The following VCPIP1 variants were observed in gnomAD, a reference collection of about 807,000 sequenced individuals.
VCPIP1 encodes the protein deubiquitinating protein VCPIP1.
A neutral mutation model predicts 85.0 loss-of-function variants in VCPIP1; 8 were observed. The observed-to-expected ratio is 0.09, with a 90% confidence interval of 0.06 to 0.17. The LOEUF is 0.17. Ranked by LOEUF, VCPIP1 falls within the 10% of genes least tolerant of loss-of-function variation. The pLI, the probability that VCPIP1 is intolerant of heterozygous loss-of-function variation, is 1.00. For synonymous variants in VCPIP1, 543 were observed against 544.5 expected, an observed-to-expected ratio of 1.00 and a Z score of 0.04; for missense variants, 1,070 against 1,486.3, an observed-to-expected ratio of 0.72 and a Z score of 4.61.
intron 2 of VCPIP1, among the ~76,000 whole-genome samples, chr8:66,646,742 G>A (rs1810999216): frequency 1.3e-5 from 2 of 151,986 alleles, no homozygotes; most frequent in South Asian, 2.1e-4. Flanking sequence ...AGGTTGCAGT[G>A]ACCCAAGATC....
In VCPIP1 at chr8:66,632,038, A is replaced by G. The variant is rs1321194257; in HGVS notation, c.*2463T>C. 6.6e-6 allele frequency: 1 copy of G among 151,060 alleles called. No homozygotes were observed. Among genetic ancestry groups the G allele is most frequent in the East Asian group, 1.9e-4 (1 of 5,166 alleles). The allele number at this position is 151,060 out of a possible 1,614,324, so 9.4% of individuals were successfully genotyped here. On this transcript the variant is annotated 3_prime_UTR_variant, in exon 3 of 3. Coordinates refer to ENST00000310421, the MANE Select transcript of VCPIP1 (RefSeq NM_025054.5). ...ACTGCAAACAGAATTGCAGGAATGC[A>G]TTTTAGTTATAATGTTACCTCTAGG...
chr8:66,651,049 G>A (rs1359737248), intron 2 of VCPIP1, among the ~76,000 whole-genome samples: 2 of 151,084 alleles, frequency 1.3e-5, no homozygotes, highest in Non-Finnish European at 2.9e-5. Context: ...GCCGGGCATG[G>A]TAGCACATGC....
chr8:66,664,315 A>G lies in VCPIP1; in HGVS notation c.2644T>C (p.Ser882Pro), dbSNP rs1272533467. 1 of 1,608,894 alleles carries G rather than the reference A, an allele frequency of 6.2e-7. No homozygotes were observed. Among genetic ancestry groups the G allele is most frequent in the Admixed American group, 1.7e-5 (1 of 59,614 alleles). Reference sequence around the variant, plus strand: ...TCAGCTTGCTCCTGAAGTTCCTTAGATGACAGTTTACCAGTAACAGCAATA... The same window carrying G: ...TCAGCTTGCTCCTGAAGTTCCTTAGGTGACAGTTTACCAGTAACAGCAATA... Reference protein sequence around the residue: ...EDIAVTGKLSSKELQEQAEKE... With the variant: ...EDIAVTGKLSPKELQEQAEKE... Residue 882 changes from serine to proline, a missense_variant, in exon 1 of 3, where the codon TCT (serine) becomes CCT (proline). Coordinates refer to ENST00000310421, the MANE Select transcript of VCPIP1 (RefSeq NM_025054.5).
At chr8:66,659,037 T>C (rs1163242461) in intron 1 of VCPIP1, among the ~76,000 whole-genome samples, 2 of 152,062 alleles carry the variant, frequency 1.3e-5, no homozygotes, top group Admixed American at 1.3e-4. Flanking sequence ...TTCACCTAAA[T>C]CTGTCCTTAC....
chr8:66,659,634 T>C (rs1333124800), intron 1 of VCPIP1, among the ~76,000 whole-genome samples: 2 of 152,136 alleles, frequency 1.3e-5, no homozygotes, highest in Admixed American at 1.3e-4. Context: ...GTCAGCCCAT[T>C]TAGTGAAAAC....
intron 2 of VCPIP1, among the ~76,000 whole-genome samples, chr8:66,647,208 G>C (rs1246029257): frequency 6.6e-6 from 1 of 151,806 alleles, no homozygotes; most frequent in Non-Finnish European, 1.5e-5. Flanking sequence ...AGGCGCGGTG[G>C]CAGGCGCCTG....
chr8:66,651,583 A>G (rs1465496984), intron 1 of VCPIP1, 39 bp from the exon 2 acceptor site: 1 of 1,548,926 alleles, frequency 6.5e-7, no homozygotes, highest in Non-Finnish European at 8.9e-7. Flanking sequence ...GCAACAAACA[A>G]AAGAGTTCCA....
At chr8:66,647,443 A>G (rs1811008314) in intron 2 of VCPIP1, among the ~76,000 whole-genome samples, 1 of 151,990 alleles carries the variant, frequency 6.6e-6, no homozygotes, top group African/African-American at 2.4e-5. Context: ...AACAATTCTG[A>G]AAAAGAAAAA....
In VCPIP1 at chr8:66,642,242, T is replaced by C. The variant is rs577089141; in HGVS notation, c.2798-6870A>G. Among the ~76,000 whole-genome samples, 9 of 152,236 alleles carry C rather than the reference T, an allele frequency of 5.9e-5. No individual in the cohort carries two copies. In the South Asian group the frequency reaches 1.9e-3, roughly 31 times the overall value. On this transcript the variant is annotated intron_variant, in intron 2 of 2. Coordinates refer to ENST00000310421, the MANE Select transcript of VCPIP1 (RefSeq NM_025054.5). ...TGATTGGCCATTTATATATTTTCTC[T>C]GGAGAGAAATTTATTCATATCTTTT...
Position 66,666,528 on chromosome 8 carries a change from CCTGT to C in VCPIP1, c.427_430del (p.Thr143AlafsTer9), listed in dbSNP as rs745847371. ...CATGTCCCGGAGAAGCTTGGCCCGGCCTGTCTGTTTGTCCATTCCATAGCGAGCT... is the reference window on the plus strand; with the variant it reads ...CATGTCCCGGAGAAGCTTGGCCCGGCCTGTTTGTCCATTCCATAGCGAGCT... On this transcript the variant is annotated frameshift_variant, in exon 1 of 3. Coordinates refer to ENST00000310421, the MANE Select transcript of VCPIP1 (RefSeq NM_025054.5). LOFTEE classifies it high-confidence loss of function. This position sits in a 1 kb window ranked among gnomAD's most constrained non-coding sequence, Gnocchi z 6.3. 1 of 1,614,154 alleles carries C rather than the reference CCTGT, an allele frequency of 6.2e-7. No individual in the cohort carries two copies. The highest frequency in any genetic ancestry group is 8.5e-7 in the Non-Finnish European group (1 of 1,180,028).
At position 66,630,141 on chromosome 8, in the gene VCPIP1, C is replaced by T. The variant is rs1199932329; in HGVS notation, c.*4360G>A. 1.3e-5 allele frequency: 2 copies of T among 151,990 alleles called. No homozygotes were observed. Among genetic ancestry groups the T allele is most frequent in the Non-Finnish European group, 2.9e-5 (2 of 67,988 alleles). The allele number at this position is 151,990 out of a possible 1,614,324, so 9.4% of individuals were successfully genotyped here. On this transcript the variant is annotated 3_prime_UTR_variant, in exon 3 of 3. Coordinates refer to ENST00000310421, the MANE Select transcript of VCPIP1 (RefSeq NM_025054.5). ...ATAAAAGAAAACTTCAAATACTGTA[C>T]AGTAAGGTGTGCTGTAGAACACTAT...
rs1430142102 is a variant in VCPIP1 at position 66,632,620 on chromosome 8, C to T, written c.*1881G>A. 1 of 152,058 alleles carries T rather than the reference C, an allele frequency of 6.6e-6. No individual in the cohort carries two copies. The highest frequency in any genetic ancestry group is 1.5e-5 in the Non-Finnish European group (1 of 67,916). 9.4% of individuals were successfully genotyped at this position (152,058 alleles called of 1,614,324 possible). A position where few individuals can be genotyped will look rare whatever the true frequency, so the allele number is the denominator to read the frequency against. ...AAATATTTGTTAAAGAAGATTATATCATTTTACATGAAAGCAGTGCATTTT... is the reference window on the plus strand; with the variant it reads ...AAATATTTGTTAAAGAAGATTATATTATTTTACATGAAAGCAGTGCATTTT... On this transcript the variant is annotated 3_prime_UTR_variant, in exon 3 of 3. Transcript: ENST00000310421.
chr8:66,646,757 A>T (rs528214342), intron 2 of VCPIP1, among the ~76,000 whole-genome samples: 30 of 151,632 alleles, frequency 2.0e-4, no homozygotes, highest in African/African-American at 7.3e-4. Flanking sequence ...AAGATCGTGC[A>T]CTCCATCCAA....
At chr8:66,659,042 C>A (rs922497964) in intron 1 of VCPIP1, among the ~76,000 whole-genome samples, 2 of 152,048 alleles carry the variant, frequency 1.3e-5, no homozygotes, top group Admixed American at 1.3e-4. Context: ...CTAAATCTGT[C>A]CTTACCTCTA....
chr8:66,649,548 C>G (rs1277938543), intron 2 of VCPIP1, among the ~76,000 whole-genome samples: 1 of 152,174 alleles, frequency 6.6e-6, no homozygotes, highest in Non-Finnish European at 1.5e-5. Context: ...GATGGCCCCA[C>G]AGGCCACAGT....
Position 66,666,365 on chromosome 8 carries a change from A to G in VCPIP1, c.594T>C (p.Ile198=). Residue 198 remains isoleucine, a synonymous_variant, in exon 1 of 3, where the codon ATT becomes ATC. Transcript: ENST00000310421. This position sits in a 1 kb window ranked among gnomAD's most constrained non-coding sequence, Gnocchi z 6.3. The part of the protein sequence containing the change: ...LLYLHDTLED[I]KRANKSQECL... ...ATTCCTGGCTTTTATTGGCCCGCTT[A>G]ATGTCCTCCAGAGTGTCATGCAAAT... 3 of 1,614,110 alleles carry G rather than the reference A, an allele frequency of 1.9e-6. No individual in the cohort carries two copies. Among genetic ancestry groups the G allele is most frequent in the Non-Finnish European group, 2.5e-6 (3 of 1,180,006 alleles).
Position 66,665,549 on chromosome 8 carries a change from C to G in VCPIP1, c.1410G>C (p.Leu470Phe). ...AVMDNRLHKC[L>F]LCGALSELHV... is the part of the protein sequence containing the mutation. ...GAAGTTCAGAAAGGGCACCACAGAG[C>G]AAACATTTGTGAAGGCGATTATCCA... The change falls in exon 1 of 3, where the codon TTG becomes TTC. Residue 470 changes from leucine (L) to phenylalanine (F), a missense_variant. This residue lies in a region of VCPIP1 where 83 missense variants were observed against 134.6 expected (regional missense o/e 0.62). Coordinates refer to ENST00000310421, the MANE Select transcript of VCPIP1 (RefSeq NM_025054.5). The surrounding 1 kb of genome is among the most constrained non-coding windows in gnomAD (Gnocchi z 4.3). 6.2e-7 allele frequency: 1 copy of G among 1,614,150 alleles called. No homozygotes were observed. The highest frequency in any genetic ancestry group is 1.1e-5 in the South Asian group (1 of 91,074).
intron 2 of VCPIP1, among the ~76,000 whole-genome samples, chr8:66,647,895 C>T (rs1324095322): frequency 6.6e-6 from 1 of 152,074 alleles, no homozygotes; most frequent in South Asian, 2.1e-4. Context: ...TTGATTCTCC[C>T]ACCTCAGCCT....
chr8:66,666,808 C>G lies in VCPIP1; in HGVS notation c.151G>C (p.Asp51His), dbSNP rs755645232. ...DRRILSGSCP[D>H]PKCQARLFFP... ...AATAGACGCGCCTGACACTTCGGAT[C>G]CGGGCAGCTCCCGGAAAGGATTCTC... Residue 51 changes from aspartate (D) to histidine (H), a missense_variant, in exon 1 of 3, where the codon GAT becomes CAT. Asp to His is a moderately conservative substitution (Grantham distance 81). Around this residue, in one of 8 missense-constraint regions of VCPIP1, gnomAD observed 164 missense variants for 158.6 expected, o/e 1.03. Coordinates refer to ENST00000310421, the MANE Select transcript of VCPIP1 (RefSeq NM_025054.5). This position sits in a 1 kb window ranked among gnomAD's most constrained non-coding sequence, Gnocchi z 6.3. 6.2e-7 allele frequency: 1 copy of G among 1,614,006 alleles called. No individual in the cohort carries two copies.
Sources: allele counts gnomAD v4.1 joint callset (sites outside exome capture counted in the v4.1 genomes callset), GRCh38; gene constraint gnomAD v4.1.1; regional missense constraint gnomAD v4.1.1; non-coding constraint Gnocchi (gnomAD v3.1); transcripts MANE v1.5; gene names NCBI Gene and HGNC (gene_info 2026-07-23, HGNC 2026-07-21).